SLC2A9: variants seen among roughly 807,000 people sequenced by gnomAD.
The protein encoded by SLC2A9 is solute carrier family 2, facilitated glucose transporter member 9.
Under a neutral mutation model 50.6 loss-of-function variants are expected in SLC2A9, and 39 were observed. That is an observed-to-expected ratio of 0.77 (90% CI 0.60 to 1.01). The LOEUF is 1.01. Ranked by LOEUF, SLC2A9 falls within the 50% of genes least tolerant of loss-of-function variation. SLC2A9 has a pLI of 0.00. For missense variants in SLC2A9, 686 were observed against 677.6 expected (o/e 1.01, Z -0.14); for synonymous variants, 324 against 276.9 (o/e 1.17, Z -1.69).
chr4:9,931,782 G>T (rs920096079), intron 6 of SLC2A9, among the ~76,000 whole-genome samples: 2 of 151,568 alleles, frequency 1.3e-5, no homozygotes, highest in African/African-American at 4.9e-5. Flanking sequence ...ACTGTGTTAA[G>T]GGAAGAACAA....
chr4:9,983,250 G>T (rs974789512), intron 4 of SLC2A9, among the ~76,000 whole-genome samples: 2 of 152,206 alleles, frequency 1.3e-5, no homozygotes, highest in Admixed American at 1.3e-4. Context: ...AGACTGTGAG[G>T]TCAATGGTTG....
intron 5 of SLC2A9, among the ~76,000 whole-genome samples, chr4:9,977,960 G>A (rs144833948): frequency 1.2e-3 from 182 of 152,330 alleles, no homozygotes; most frequent in African/African-American, 4.2e-3. Flanking sequence ...CTGGGTTAGT[G>A]TGCACGCAAG....
At chr4:9,897,536 C>G (rs1738785007) in intron 8 of SLC2A9, among the ~76,000 whole-genome samples, 1 of 151,388 alleles carries the variant, frequency 6.6e-6, no homozygotes, top group Admixed American at 6.6e-5. Context: ...AAAATGACAT[C>G]ATTTGGATGG....
intron 2 of SLC2A9, among the ~76,000 whole-genome samples, chr4:10,018,548 A>ATAGAT (rs1204015167): frequency 3.6e-5 from 4 of 110,234 alleles, no homozygotes; most frequent in Non-Finnish European, 7.8e-5. Context: ...CTCAAAGATG[A>ATAGAT]TAGATAGATA....
intron 4 of SLC2A9, among the ~76,000 whole-genome samples, chr4:9,984,061 C>T (rs1425035902): frequency 6.6e-6 from 1 of 152,142 alleles, no homozygotes; most frequent in Non-Finnish European, 1.5e-5. Flanking sequence ...TAGACACCAG[C>T]CATTATTCTT....
At chr4:9,816,035 T>A (rs747114597) in intron 3 of SLC2A9, among the ~76,000 whole-genome samples, 6 of 152,038 alleles carry the variant, frequency 3.9e-5, no homozygotes, top group Non-Finnish European at 7.4e-5. Context: ...CCGGGCATGG[T>A]GGCACACGCC....
At chr4:9,792,169 T>C (rs1168545640) in intron 3 of SLC2A9, among the ~76,000 whole-genome samples, 11 of 139,532 alleles carry the variant, frequency 7.9e-5, no homozygotes, top group African/African-American at 1.9e-4. Flanking sequence ...GTTTCTTTTT[T>C]TTTTTTTTTT....
chr4:10,017,233 A>G (rs1486918135), intron 2 of SLC2A9, among the ~76,000 whole-genome samples: 2 of 152,216 alleles, frequency 1.3e-5, no homozygotes, highest in African/African-American at 2.4e-5. Context: ...GCTTGAACCC[A>G]TATCATTCTA....
chr4:9,836,661 G>A (rs1009168230), intron 10 of SLC2A9, among the ~76,000 whole-genome samples: 4 of 152,226 alleles, frequency 2.6e-5, no homozygotes, highest in Admixed American at 6.5e-5. Flanking sequence ...CATGGAGAGG[G>A]GTTTGCAGTT....
intron 10 of SLC2A9, among the ~76,000 whole-genome samples, chr4:9,876,580 G>T (rs369014802): frequency 1.3e-4 from 20 of 151,912 alleles, no homozygotes; most frequent in African/African-American, 3.9e-4. Context: ...GACAGAGCGA[G>T]ACCCTATCTC....
intron 10 of SLC2A9, among the ~76,000 whole-genome samples, chr4:9,843,211 G>A (rs1728384295): frequency 6.6e-6 from 1 of 152,046 alleles, no homozygotes; most frequent in African/African-American, 2.4e-5. Flanking sequence ...ATCACAAAGG[G>A]GTGTGGACAA....
chr4:10,002,687 T>C (rs1760052026), intron 2 of SLC2A9, among the ~76,000 whole-genome samples: 1 of 152,104 alleles, frequency 6.6e-6, no homozygotes, highest in Admixed American at 6.5e-5. Context: ...ACCCCATCTC[T>C]ACTAAAAATA....
intron 10 of SLC2A9, among the ~76,000 whole-genome samples, chr4:9,880,802 T>C (rs947471843): frequency 6.6e-6 from 1 of 152,218 alleles, no homozygotes; most frequent in African/African-American, 2.4e-5. Flanking sequence ...CTTATCATAG[T>C]GGCAATGCCC....
chr4:9,989,702 T>C (rs928431924), intron 3 of SLC2A9, among the ~76,000 whole-genome samples: 2 of 152,114 alleles, frequency 1.3e-5, no homozygotes, highest in African/African-American at 4.8e-5. Context: ...AACGTTCCAC[T>C]GACTTCCCAT....
chr4:9,771,744 C>G (rs553652969), intron 1 of SLC2A9, among the ~76,000 whole-genome samples: 37 of 152,274 alleles, frequency 2.4e-4, no homozygotes, highest in African/African-American at 8.9e-4. Context: ...TGCAGAAATA[C>G]AGAGGGTGGC....
intron 6 of SLC2A9, among the ~76,000 whole-genome samples, chr4:9,936,378 G>T (rs1747083010): frequency 6.6e-6 from 1 of 152,114 alleles, no homozygotes; most frequent in African/African-American, 2.4e-5. Flanking sequence ...CTGTGGTATG[G>T]GGAAGACGGG....
intron 3 of SLC2A9, among the ~76,000 whole-genome samples, chr4:9,787,718 A>T (rs147757593): frequency 2.4e-4 from 36 of 152,336 alleles, no homozygotes; most frequent in Non-Finnish European, 4.3e-4. Flanking sequence ...TGTGAAGATT[A>T]CCTGGCCAGC....
At chr4:9,773,998 T>TA (rs201709183) in intron 1 of SLC2A9, among the ~76,000 whole-genome samples, 1,533 of 151,164 alleles carry the variant, frequency 0.01, 28 homozygotes, top group African/African-American at 0.03. Context: ...CAGTCTTTTT[T>TA]TTTTTTTTTT....
intron 6 of SLC2A9, among the ~76,000 whole-genome samples, chr4:9,930,518 G>A (rs746722770): frequency 1.2e-4 from 18 of 152,160 alleles, no homozygotes; most frequent in Admixed American, 4.6e-4. Context: ...CTGTCAGCTC[G>A]GGGCAGCGCT....
Sources: gnomAD v4.1 joint callset for allele counts (sites outside exome capture counted in the v4.1 genomes callset) on GRCh38, gnomAD v4.1.1 for gene constraint, MANE v1.5 for transcripts, NCBI Gene and HGNC (gene_info 2026-07-23, HGNC 2026-07-21) for gene names.